Variants in NBEA observed in about 807,000 individuals in gnomAD.
NBEA encodes neurobeachin.
Under a neutral mutation model 343.4 loss-of-function variants are expected in NBEA, and 44 were observed. That is an observed-to-expected ratio of 0.13 (90% confidence interval 0.10 to 0.16). NBEA has a LOEUF of 0.16. NBEA is among the 10% of genes least tolerant of loss of function. The probability of loss-of-function intolerance (pLI) is 1.00; values close to 1 mark genes in which losing one functional copy is unlikely to be tolerated. For synonymous variants in NBEA, 1,175 were observed against 1,238.7 expected, an observed-to-expected ratio of 0.95 and a Z score of 1.08; for missense variants, 2,555 against 3,631.3, an observed-to-expected ratio of 0.70 and a Z score of 7.62.
At position 35,518,108 on chromosome 13, in the gene NBEA, G is replaced by T. The variant is rs77234605; in HGVS notation, c.6586-32369G>T. ...GAGCATGTACTTCCCTTGGTACTTT[G>T]TTAATTCCGGATATATGGAGGTGAG... On this transcript the variant is annotated intron_variant, in intron 41 of 58. Transcript: ENST00000379939. 1.2e-4 allele frequency among the ~76,000 whole-genome samples: 19 copies of T among 152,120 alleles called. No individual in the cohort carries two copies. The East Asian group carries it at 3.3e-3, about 26-fold the overall frequency.
rs142167579 is a variant in NBEA, at chr13:35,067,902, A to C, written c.1240-2006A>C. Among the ~76,000 whole-genome samples the C allele has an allele frequency of 9.5e-4, 145 of 151,978 alleles. 2 individuals are homozygous for C. The East Asian group carries it at 0.024, about 25-fold the overall frequency. ...AGGCGTGTGACACCACACTTGGCTA[A>C]TTTTTAATTTTTTGGTAGAGATGGG... On this transcript the variant is annotated intron_variant, in intron 8 of 58. Transcript: ENST00000379939.
At chr13:35,460,409 C>T (rs2046834757) in intron 40 of NBEA, among the ~76,000 whole-genome samples, 1 of 152,188 alleles carries the variant, frequency 6.6e-6, no homozygotes, top group Admixed American at 6.6e-5. Context: ...ATTCACAAAG[C>T]TCTTAGAGAC....
At chr13:35,487,467 G>C (rs957001123) in intron 41 of NBEA, among the ~76,000 whole-genome samples, 2 of 151,790 alleles carry the variant, frequency 1.3e-5, no homozygotes, top group Admixed American at 1.3e-4. Flanking sequence ...TTTATATCAG[G>C]GCAGGAAAGA....
intron 35 of NBEA, among the ~76,000 whole-genome samples, chr13:35,300,972 G>C (rs1371697129): frequency 6.6e-6 from 1 of 151,742 alleles, no homozygotes; most frequent in African/African-American, 2.4e-5. Context: ...AATTATCTTT[G>C]CCACTTTTAC....
At chr13:34,978,630 T>A (rs1476654792) in intron 1 of NBEA, among the ~76,000 whole-genome samples, 1 of 152,136 alleles carries the variant, frequency 6.6e-6, no homozygotes, top group Non-Finnish European at 1.5e-5. Flanking sequence ...ACCTCCATAC[T>A]CCCAGAGATG....
At chr13:35,338,682 C>A (rs1261818549) in intron 36 of NBEA, among the ~76,000 whole-genome samples, 3 of 151,972 alleles carry the variant, frequency 2.0e-5, no homozygotes, top group African/African-American at 7.2e-5. Flanking sequence ...CCGGTATCTA[C>A]CACGCTATTA....
intron 1 of NBEA, among the ~76,000 whole-genome samples, chr13:35,000,757 G>C (rs2061105444): frequency 6.6e-6 from 1 of 151,888 alleles, no homozygotes. Context: ...ATAGATAAAT[G>C]CTTTTACATT....
intron 38 of NBEA, among the ~76,000 whole-genome samples, chr13:35,411,462 C>CTT (rs199640430): frequency 0.033 from 4,874 of 146,154 alleles, 109 homozygotes; most frequent in South Asian, 0.047. Context: ...CTTGTCTCTT[C>CTT]TTTTTTTTTT....
At chr13:35,051,315 T>C (rs1453004151) in intron 6 of NBEA, among the ~76,000 whole-genome samples, 1 of 152,032 alleles carries the variant, frequency 6.6e-6, no homozygotes, top group Non-Finnish European at 1.5e-5. Context: ...AATGGTACAA[T>C]CATAACAGAT....
chr13:35,523,961 A>G (rs1368264781), intron 41 of NBEA, among the ~76,000 whole-genome samples: 1 of 152,216 alleles, frequency 6.6e-6, no homozygotes, highest in African/African-American at 2.4e-5. Flanking sequence ...TAAGCATTTA[A>G]AAGTAAAAAC....
chr13:35,414,847 A>G (rs549619016), intron 38 of NBEA, among the ~76,000 whole-genome samples: 12 of 152,310 alleles, frequency 7.9e-5, no homozygotes, highest in East Asian at 5.8e-4. Flanking sequence ...AGTCCTACCA[A>G]CAGTGTAAAA....
intron 35 of NBEA, among the ~76,000 whole-genome samples, chr13:35,302,276 T>G (rs2036605742): frequency 6.6e-6 from 1 of 152,228 alleles, no homozygotes; most frequent in Non-Finnish European, 1.5e-5. Context: ...TTACTGCCTG[T>G]GTCTTATGTA....
intron 31 of NBEA, among the ~76,000 whole-genome samples, chr13:35,205,425 A>G (rs1011672724): frequency 3.9e-5 from 6 of 152,040 alleles, no homozygotes; most frequent in Admixed American, 1.3e-4. Context: ...AGTACATGGA[A>G]GTTTCATTTT....
intron 30 of NBEA, among the ~76,000 whole-genome samples, chr13:35,189,976 C>T (rs866651485): frequency 6.6e-5 from 10 of 152,062 alleles, no homozygotes; most frequent in South Asian, 2.1e-4. Context: ...GCTTTGAAAA[C>T]CAGAGGCCAG....
chr13:35,287,377 A>G (rs1435141976), intron 34 of NBEA, among the ~76,000 whole-genome samples: 1 of 152,016 alleles, frequency 6.6e-6, no homozygotes, highest in Non-Finnish European at 1.5e-5. Context: ...TGCTATAAAC[A>G]GTCCTTAGTA....
At chr13:35,105,335 A>G (rs1239107917) in intron 11 of NBEA, among the ~76,000 whole-genome samples, 1 of 152,036 alleles carries the variant, frequency 6.6e-6, no homozygotes, top group Non-Finnish European at 1.5e-5. Context: ...AAAGGCAGCA[A>G]AAGGTTGGAA....
chr13:34,976,834 C>T (rs182965669), intron 1 of NBEA, among the ~76,000 whole-genome samples: 137 of 151,344 alleles, frequency 9.1e-4, no homozygotes, highest in Middle Eastern at 6.8e-3. Flanking sequence ...TTTTACCTCT[C>T]GTAAACCATT....
intron 1 of NBEA, among the ~76,000 whole-genome samples, chr13:35,023,274 G>T (rs538477304): frequency 1.3e-5 from 2 of 152,030 alleles, no homozygotes; most frequent in Admixed American, 6.6e-5. Context: ...TAAGAAAAAT[G>T]TATTTCTTTA....
intron 1 of NBEA, among the ~76,000 whole-genome samples, chr13:35,001,438 T>C (rs2061136465): frequency 6.6e-6 from 1 of 152,090 alleles, no homozygotes; most frequent in African/African-American, 2.4e-5. Context: ...CATCAGCAGA[T>C]GAATGGATAA....
Sources: gnomAD v4.1 joint callset for allele counts (sites outside exome capture counted in the v4.1 genomes callset) on GRCh38, gnomAD v4.1.1 for gene constraint, MANE v1.5 for transcripts, NCBI Gene and HGNC (gene_info 2026-07-23, HGNC 2026-07-21) for gene names.